Variants in NFIA observed in about 807,000 individuals in gnomAD.
The protein encoded by NFIA is nuclear factor 1 A-type.
Under a neutral mutation model 62.8 loss-of-function variants are expected in NFIA, and 8 were observed. That is an observed-to-expected ratio of 0.13 (90% CI 0.07 to 0.23). The LOEUF is 0.23. NFIA is among the 10% of genes least tolerant of loss of function. NFIA has a pLI of 1.00. For missense variants in NFIA, 410 were observed against 642.1 expected (o/e 0.64, Z 3.91); for synonymous variants, 235 against 238.1 (o/e 0.99, Z 0.12).
chr1:61,303,898 G>A (rs1659618880), intron 3 of NFIA, among the ~76,000 whole-genome samples: 1 of 152,160 alleles, frequency 6.6e-6, no homozygotes, highest in Non-Finnish European at 1.5e-5. Flanking sequence ...ATCTCTTTAT[G>A]CTGTTCCGAG....
intron 3 of NFIA, among the ~76,000 whole-genome samples, chr1:61,320,411 G>A (rs1660620169): frequency 6.6e-6 from 1 of 152,164 alleles, no homozygotes; most frequent in African/African-American, 2.4e-5. Context: ...CTGGGTAAAT[G>A]AGCAAGAATT....
chr1:61,154,225 T>C (rs118039265), intron 2 of NFIA, among the ~76,000 whole-genome samples: 4,420 of 152,304 alleles, frequency 0.029, 110 homozygotes, highest in East Asian at 0.092. Flanking sequence ...CTTGGCTCAC[T>C]GCAACCAAGT....
chr1:61,264,039 G>A (rs758851855), intron 2 of NFIA, among the ~76,000 whole-genome samples: 1 of 152,104 alleles, frequency 6.6e-6, no homozygotes, highest in Non-Finnish European at 1.5e-5. Context: ...TTGAATGAAT[G>A]GAATTCTTGG....
chr1:61,219,713 C>CACAAAAAAAA (rs1653890747), intron 2 of NFIA, among the ~76,000 whole-genome samples: 1 of 107,820 alleles, frequency 9.3e-6, no homozygotes, highest in Non-Finnish European at 1.8e-5. Context: ...GACTCCGTCT[C>CACAAAAAAAA]AAAAAAAAAA....
In NFIA at chr1:61,310,625, T is replaced by A. The variant is rs1464815092; in HGVS notation, c.626-21887T>A. Among the ~76,000 whole-genome samples, 3 of 152,280 alleles carry A rather than the reference T, an allele frequency of 2.0e-5. No individual in the cohort carries two copies. In the East Asian group the frequency reaches 5.8e-4, roughly 29 times the overall value. Reference sequence around the variant, plus strand: ...CCCAGTTAAGAAAGGCCTGCCTGGTTCTTCAGCCTCATCAGTGTTCCCAGA... The same window carrying A: ...CCCAGTTAAGAAAGGCCTGCCTGGTACTTCAGCCTCATCAGTGTTCCCAGA... On this transcript the variant is annotated intron_variant, in intron 3 of 10. Coordinates refer to ENST00000403491, the MANE Select transcript of NFIA (RefSeq NM_001134673.4).
intron 6 of NFIA, among the ~76,000 whole-genome samples, chr1:61,373,685 C>T (rs550711397): frequency 6.6e-6 from 1 of 152,096 alleles, no homozygotes; most frequent in African/African-American, 2.4e-5. Context: ...AGGGTGTTAA[C>T]CAAGCTTGAA....
intron 2 of NFIA, among the ~76,000 whole-genome samples, chr1:61,134,336 A>G (rs1358242470): frequency 6.6e-6 from 1 of 151,654 alleles, no homozygotes; most frequent in Admixed American, 6.6e-5. Flanking sequence ...TCTTAGGAAA[A>G]TCAGATTATT....
chr1:61,231,982 A>G lies in NFIA; in HGVS notation c.560-45538A>G, dbSNP rs139047726. ...CTTTCAAAGAAATTCTGTGACTACT[A>G]TCATTACCCAGCTGTTAGTGACGGG... On this transcript the variant is annotated intron_variant, in intron 2 of 10. Transcript: ENST00000403491. Among the ~76,000 whole-genome samples the G allele has an allele frequency of 1.6e-3, 246 of 152,290 alleles. 1 individual carries two copies. Among genetic ancestry groups the G allele is most frequent in the African/African-American group, 5.5e-3 (230 of 41,570 alleles).
At chr1:61,409,117 C>T (rs1665982889) in intron 9 of NFIA, among the ~76,000 whole-genome samples, 1 of 152,190 alleles carries the variant, frequency 6.6e-6, no homozygotes, top group Non-Finnish European at 1.5e-5. Flanking sequence ...GCAGATCCAA[C>T]TCATATGGTT....
At chr1:61,447,248 A>G (rs181995024) in intron 10 of NFIA, among the ~76,000 whole-genome samples, 70 of 152,364 alleles carry the variant, frequency 4.6e-4, no homozygotes, top group Admixed American at 2.3e-3. Flanking sequence ...CCAATCATAA[A>G]GCCTGTATTG....
At chr1:61,212,694 T>G (rs1653343343) in intron 2 of NFIA, among the ~76,000 whole-genome samples, 1 of 152,198 alleles carries the variant, frequency 6.6e-6, no homozygotes, top group African/African-American at 2.4e-5. Flanking sequence ...AAATTTACTA[T>G]TCAGTATAGT....
chr1:61,375,001 A>T (rs1241622485), intron 6 of NFIA, among the ~76,000 whole-genome samples: 1 of 151,936 alleles, frequency 6.6e-6, no homozygotes, highest in African/African-American at 2.4e-5. Context: ...GTCTTCAACG[A>T]CCTCCTTGTA....
intron 10 of NFIA, among the ~76,000 whole-genome samples, chr1:61,452,469 G>C (rs1030460035): frequency 4.6e-5 from 7 of 152,122 alleles, no homozygotes; most frequent in Non-Finnish European, 8.8e-5. Flanking sequence ...GAGTGAACAA[G>C]TTTAAGAATA....
At chr1:61,146,933 GGACTGGTAT>G (rs1648052772) in intron 2 of NFIA, among the ~76,000 whole-genome samples, 1 of 152,128 alleles carries the variant, frequency 6.6e-6, no homozygotes, top group Non-Finnish European at 1.5e-5. Flanking sequence ...GGTTCAGGAA[GGACTGGTAT>G]CACATGGCTT....
chr1:61,214,128 C>T (rs1051157183), intron 2 of NFIA, among the ~76,000 whole-genome samples: 4 of 152,166 alleles, frequency 2.6e-5, no homozygotes, highest in Admixed American at 6.6e-5. Flanking sequence ...CATTTTCTGA[C>T]TACGCCTAGG....
intron 4 of NFIA, among the ~76,000 whole-genome samples, chr1:61,334,352 G>C (rs1367217857): frequency 6.6e-6 from 1 of 151,556 alleles, no homozygotes; most frequent in Non-Finnish European, 1.5e-5. Flanking sequence ...AGCTGGAGAG[G>C]ATATGCTCCC....
At chr1:61,341,190 A>T (rs1024173727) in intron 4 of NFIA, among the ~76,000 whole-genome samples, 1 of 150,252 alleles carries the variant, frequency 6.7e-6, no homozygotes, top group Non-Finnish European at 1.5e-5. Flanking sequence ...CCGCCTGCCG[A>T]GTAGCCGGGA....
At chr1:61,376,515 G>A (rs538664053) in intron 6 of NFIA, among the ~76,000 whole-genome samples, 1 of 152,246 alleles carries the variant, frequency 6.6e-6, no homozygotes, top group East Asian at 1.9e-4. Context: ...AATTCATTCA[G>A]TGTGTGTTTG....
chr1:61,357,599 C>T (rs140230491), intron 5 of NFIA, among the ~76,000 whole-genome samples: 1 of 152,262 alleles, frequency 6.6e-6, no homozygotes, highest in Non-Finnish European at 1.5e-5. Context: ...ACCCCTGGCT[C>T]ATCACTGTCT....
Sources: gnomAD v4.1 joint callset for allele counts (sites outside exome capture counted in the v4.1 genomes callset) on GRCh38, gnomAD v4.1.1 for gene constraint, MANE v1.5 for transcripts, NCBI Gene and HGNC (gene_info 2026-07-23, HGNC 2026-07-21) for gene names.